ZBTB20: variants seen among roughly 807,000 people sequenced by gnomAD.
ZBTB20 encodes zinc finger and BTB domain-containing protein 20.
Under a neutral mutation model 56.9 loss-of-function variants are expected in ZBTB20, and 9 were observed. The ratio of observed to expected loss-of-function variants is 0.16; its 90% CI spans 0.10 to 0.28. The LOEUF (loss-of-function observed/expected upper bound fraction) is 0.28. Among genes scored for constraint, ZBTB20 ranks in the 10% least tolerant of loss-of-function variants. ZBTB20 has a pLI of 1.00. For synonymous variants in ZBTB20, 417 were observed against 420.7 expected (o/e 0.99, Z 0.11); for missense variants, 655 against 1,003.0 (o/e 0.65, Z 4.69).
At chr3:114,754,546 A>G (rs1364395834) in intron 5 of ZBTB20, among the ~76,000 whole-genome samples, 2 of 152,188 alleles carry the variant, frequency 1.3e-5, no homozygotes, top group Non-Finnish European at 2.9e-5. Context: ...AGTTTTACTT[A>G]AAGAGTAGAT....
chr3:114,464,275 A>G (rs1461989028), intron 7 of ZBTB20, among the ~76,000 whole-genome samples: 3 of 152,246 alleles, frequency 2.0e-5, no homozygotes, highest in Non-Finnish European at 4.4e-5. Flanking sequence ...TTTTTAAAAA[A>G]ACATATACAT....
At chr3:114,412,894 T>G (rs572270044) in intron 7 of ZBTB20, among the ~76,000 whole-genome samples, 1 of 152,292 alleles carries the variant, frequency 6.6e-6, no homozygotes, top group East Asian at 1.9e-4. Flanking sequence ...TGATTCTTCC[T>G]CTATGGTCCA....
intron 6 of ZBTB20, among the ~76,000 whole-genome samples, chr3:114,588,893 G>A (rs966648999): frequency 9.9e-5 from 15 of 152,048 alleles, no homozygotes; most frequent in Admixed American, 7.9e-4. Context: ...ACTCAGTTTC[G>A]CATGGCTGGG....
intron 8 of ZBTB20, among the ~76,000 whole-genome samples, chr3:114,382,645 AG>A (rs1235972845): frequency 1.3e-5 from 2 of 152,208 alleles, no homozygotes; most frequent in Non-Finnish European, 2.9e-5. Flanking sequence ...ATTCCTCCCT[AG>A]GTCTTTCTCC....
rs57058775 is a variant in ZBTB20, at chr3:114,329,709, GAAAAAAAAAAAAAAAAAA to G, written c.*9278_*9295del. The G allele has an allele frequency of 1.6e-5, 1 of 63,908 alleles. No individual in the cohort carries two copies. Among genetic ancestry groups the G allele is most frequent in the Non-Finnish European group, 2.7e-5 (1 of 37,312 alleles). The allele number at this position is 63,908 out of a possible 1,614,324, so 4.0% of individuals were successfully genotyped here. ...TGAAACTCTGGTTTTACTTTTTTTGGAAAAAAAAAAAAAAAAAAAAAAAAAAAACAACTCCCAGGAAAA... is the reference window on the plus strand; with the variant it reads ...TGAAACTCTGGTTTTACTTTTTTTGGAAAAAAAAAACAACTCCCAGGAAAA... On this transcript the variant is annotated 3_prime_UTR_variant, in exon 12 of 12. Transcript: ENST00000675478.
At chr3:114,402,096 A>G (rs2086873033) in intron 7 of ZBTB20, among the ~76,000 whole-genome samples, 1 of 152,198 alleles carries the variant, frequency 6.6e-6, no homozygotes, top group South Asian at 2.1e-4. Context: ...GAACCAGAGA[A>G]GAAAAACTTT....
intron 1 of ZBTB20, among the ~76,000 whole-genome samples, chr3:115,118,490 C>CTT (rs1445027898): frequency 6.6e-6 from 1 of 152,114 alleles, no homozygotes; most frequent in Non-Finnish European, 1.5e-5. Flanking sequence ...TGTAATCATA[C>CTT]TTTAACCTAG....
At chr3:114,352,374 C>A (rs1198227884) in intron 10 of ZBTB20, among the ~76,000 whole-genome samples, 2 of 152,192 alleles carry the variant, frequency 1.3e-5, no homozygotes, top group Non-Finnish European at 2.9e-5. Context: ...TTTATTCATA[C>A]ACAGTGACCA....
intron 7 of ZBTB20, among the ~76,000 whole-genome samples, chr3:114,406,965 A>C (rs1004849956): frequency 2.0e-5 from 3 of 152,148 alleles, no homozygotes; most frequent in Non-Finnish European, 4.4e-5. Flanking sequence ...TTTCTATGAT[A>C]CAGGGTCATC....
chr3:114,698,787 T>TA (rs1345139371), intron 5 of ZBTB20, among the ~76,000 whole-genome samples: 1 of 152,158 alleles, frequency 6.6e-6, no homozygotes, highest in Non-Finnish European at 1.5e-5. Flanking sequence ...TAGAAAATAT[T>TA]AAACAGATGC....
At chr3:114,688,377 TA>T (rs1284143464) in intron 6 of ZBTB20, 7 of 132,926 alleles carry the variant, frequency 5.3e-5, no homozygotes, top group Admixed American at 2.3e-4. Context: ...CCTCTGAATC[TA>T]AAATAAAAGT....
In ZBTB20 at chr3:114,856,210, G is replaced by C. The variant is rs372819985; in HGVS notation, c.-417+44094C>G. Among the ~76,000 whole-genome samples, 17 of 152,284 alleles carry C rather than the reference G, an allele frequency of 1.1e-4. No homozygotes were observed. In the East Asian group the frequency reaches 2.5e-3, roughly 22 times the overall value. On this transcript the variant is annotated intron_variant, in intron 4 of 11. Coordinates refer to ENST00000675478, the MANE Select transcript of ZBTB20 (RefSeq NM_001348800.3). ...TCTATGATAATAATAATTAACATTT[G>C]ATGGTCCTTTACCACCTACAAATGA...
chr3:114,642,769 A>G (rs2059626650), intron 6 of ZBTB20, among the ~76,000 whole-genome samples: 1 of 152,088 alleles, frequency 6.6e-6, no homozygotes, highest in African/African-American at 2.4e-5. Flanking sequence ...TCAACCTTCC[A>G]GGTTTAAAAT....
intron 5 of ZBTB20, among the ~76,000 whole-genome samples, chr3:114,736,980 T>C (rs979346217): frequency 1.3e-5 from 2 of 152,206 alleles, no homozygotes; most frequent in Non-Finnish European, 2.9e-5. Flanking sequence ...CCGAGTTTGA[T>C]TTCTTTATTG....
intron 3 of ZBTB20, among the ~76,000 whole-genome samples, chr3:114,948,759 T>C (rs918750972): frequency 6.8e-6 from 1 of 146,034 alleles, no homozygotes; most frequent in Non-Finnish European, 1.5e-5. Flanking sequence ...TAGAAATGAA[T>C]CTAACAAAAA....
In ZBTB20 at chr3:114,829,529, A is replaced by C. The variant is rs142590244; in HGVS notation, c.-416-28355T>G. ...GAGTTCAAGCTAAGGCAGAGTAACA[A>C]GTATTGCCAATAGAAAATAACCTCT... On this transcript the variant is annotated intron_variant, in intron 4 of 11. Transcript: ENST00000675478. Among the ~76,000 whole-genome samples the C allele has an allele frequency of 2.8e-4, 43 of 152,000 alleles. No individual in the cohort carries two copies. The East Asian group carries it at 7.7e-3, about 27-fold the overall frequency.
chr3:114,902,834 A>G (rs1161824094), intron 3 of ZBTB20, among the ~76,000 whole-genome samples: 3 of 152,174 alleles, frequency 2.0e-5, no homozygotes, highest in Non-Finnish European at 4.4e-5. Flanking sequence ...CTGCTAAAAG[A>G]CACTGTTATG....
At chr3:115,001,451 T>A (rs372976879) in intron 2 of ZBTB20, among the ~76,000 whole-genome samples, 1 of 151,452 alleles carries the variant, frequency 6.6e-6, no homozygotes, top group South Asian at 2.1e-4. Context: ...GGAGCTTTTT[T>A]TAAATCACAT....
chr3:115,108,835 T>C (rs1326196078), intron 1 of ZBTB20, among the ~76,000 whole-genome samples: 4 of 152,080 alleles, frequency 2.6e-5, no homozygotes, highest in Admixed American at 6.5e-5. Context: ...GACTCATATC[T>C]ATATATGAGT....
Sources: gnomAD v4.1 joint callset for allele counts (sites outside exome capture counted in the v4.1 genomes callset) on GRCh38, gnomAD v4.1.1 for gene constraint, MANE v1.5 for transcripts, NCBI Gene and HGNC (gene_info 2026-07-23, HGNC 2026-07-21) for gene names.